The following OXR1 variants were observed in gnomAD, a reference collection of about 807,000 sequenced individuals.
The protein encoded by OXR1 is oxidation resistance protein 1.
In OXR1, 41 loss-of-function variants were observed where a neutral mutation model predicts 104.6. That is an observed-to-expected ratio of 0.39 (90% CI 0.31 to 0.51). OXR1 has a LOEUF of 0.51. Among genes scored for constraint, OXR1 ranks in the 20% least tolerant of loss-of-function variants. OXR1 has a pLI of 0.77. For synonymous variants in OXR1, 348 were observed against 348.4 expected (o/e 1.00, Z 0.01); for missense variants, 955 against 1,031.9 (o/e 0.93, Z 1.02).
rs1322653770 is a variant in OXR1 at position 106,618,694 on chromosome 8, C to A, written c.221-60516C>A. On this transcript the variant is annotated intron_variant, in intron 3 of 16. Transcript: ENST00000517566. ...GTAATGGCAGTGATCAAGTCACATGCTCTCACTTTTGTCACCACTGTATTC... is the reference window on the plus strand; with the variant it reads ...GTAATGGCAGTGATCAAGTCACATGATCTCACTTTTGTCACCACTGTATTC... Among the ~76,000 whole-genome samples the A allele has an allele frequency of 2.0e-5, 3 of 152,192 alleles. No individual in the cohort carries two copies. The East Asian group carries it at 5.8e-4, about 29-fold the overall frequency.
intron 3 of OXR1, among the ~76,000 whole-genome samples, chr8:106,565,867 A>G (rs1365794963): frequency 6.6e-6 from 1 of 152,344 alleles, no homozygotes; most frequent in East Asian, 1.9e-4. Context: ...AAAACAAGCA[A>G]TAGGGAAAGG....
chr8:106,418,700 A>C (rs1464319961), intron 2 of OXR1, among the ~76,000 whole-genome samples: 1 of 152,160 alleles, frequency 6.6e-6, no homozygotes. Context: ...AAAAAATGAG[A>C]CTGCAAAATA....
intron 3 of OXR1, chr8:106,617,897 G>A (rs942887827): frequency 2.3e-5 from 8 of 347,090 alleles, no homozygotes; most frequent in Admixed American, 6.5e-5. Flanking sequence ...AGAGCATGTC[G>A]TCGTCACCGT....
intron 1 of OXR1, among the ~76,000 whole-genome samples, chr8:106,281,817 A>AT (rs1235534541): frequency 6.6e-6 from 1 of 151,058 alleles, no homozygotes; most frequent in East Asian, 1.9e-4. Flanking sequence ...AAAAAAAAAA[A>AT]AAAAAAGACA....
At chr8:106,708,964 C>T (rs1054429712) in intron 9 of OXR1, among the ~76,000 whole-genome samples, 2 of 151,958 alleles carry the variant, frequency 1.3e-5, no homozygotes, top group Non-Finnish European at 2.9e-5. Context: ...ATCCTGAAGA[C>T]CTAAGGGCTG....
chr8:106,712,020 G>A (rs1831745422), intron 10 of OXR1, among the ~76,000 whole-genome samples: 1 of 152,034 alleles, frequency 6.6e-6, no homozygotes, highest in South Asian at 2.1e-4. Flanking sequence ...TCCATTGATA[G>A]ATTAATATGT....
intron 2 of OXR1, among the ~76,000 whole-genome samples, chr8:106,502,103 G>A (rs1421472123): frequency 6.6e-6 from 1 of 152,168 alleles, no homozygotes; most frequent in Non-Finnish European, 1.5e-5. Flanking sequence ...CTGTGCTTTG[G>A]GAAATCAATT....
intron 2 of OXR1, among the ~76,000 whole-genome samples, chr8:106,377,484 C>A (rs190583844): frequency 6.6e-6 from 1 of 152,262 alleles, no homozygotes; most frequent in Admixed American, 6.5e-5. Flanking sequence ...TGGCGACTGA[C>A]CTAACAAAAT....
intron 3 of OXR1, among the ~76,000 whole-genome samples, chr8:106,620,833 A>G (rs1821640126): frequency 6.6e-6 from 1 of 152,210 alleles, no homozygotes; most frequent in African/African-American, 2.4e-5. Flanking sequence ...ACCAGTAAAA[A>G]TAGTGAAAAT....
At chr8:106,507,435 T>C (rs1387878935) in intron 2 of OXR1, among the ~76,000 whole-genome samples, 1 of 152,232 alleles carries the variant, frequency 6.6e-6, no homozygotes, top group Non-Finnish European at 1.5e-5. Flanking sequence ...CCTTGTGCTA[T>C]TCTCTTCCAC....
chr8:106,668,813 T>C (rs951837595), intron 3 of OXR1, among the ~76,000 whole-genome samples: 2 of 152,186 alleles, frequency 1.3e-5, no homozygotes, highest in African/African-American at 4.8e-5. Flanking sequence ...GGGAAGCCCA[T>C]TTCTTCTGTC....
intron 2 of OXR1, among the ~76,000 whole-genome samples, chr8:106,387,364 G>C (rs1271272188): frequency 2.6e-5 from 4 of 152,108 alleles, no homozygotes; most frequent in Non-Finnish European, 5.9e-5. Context: ...CTAAAAGCTG[G>C]TGGGTTTACC....
chr8:106,636,836 G>T (rs187766611), intron 3 of OXR1, among the ~76,000 whole-genome samples: 2 of 152,142 alleles, frequency 1.3e-5, no homozygotes, highest in Non-Finnish European at 2.9e-5. Flanking sequence ...TGTCATTTAG[G>T]TATGCCCATG....
intron 1 of OXR1, among the ~76,000 whole-genome samples, chr8:106,348,549 A>G (rs1271188846): frequency 6.6e-6 from 1 of 152,066 alleles, no homozygotes; most frequent in Non-Finnish European, 1.5e-5. Context: ...TTATTGGGCA[A>G]TCCACATGGG....
chr8:106,397,180 C>A (rs1213541659), intron 2 of OXR1, among the ~76,000 whole-genome samples: 1 of 151,960 alleles, frequency 6.6e-6, no homozygotes, highest in Admixed American at 6.6e-5. Context: ...CACTTTGTTG[C>A]ACCATTTAAG....
At chr8:106,713,731 C>A in intron 10 of OXR1, 92 bp from the exon 11 acceptor site, 1 of 707,698 alleles carries the variant, frequency 1.4e-6, no homozygotes, top group Non-Finnish European at 2.2e-6. Context: ...TATTTTAAGT[C>A]TTCAAGATTT....
At chr8:106,322,758 A>C (rs1814279054) in intron 1 of OXR1, among the ~76,000 whole-genome samples, 1 of 152,198 alleles carries the variant, frequency 6.6e-6, no homozygotes, top group Non-Finnish European at 1.5e-5. Flanking sequence ...ACTGAGAGCG[A>C]AAGATAGAAA....
At position 106,289,778 on chromosome 8, in the gene OXR1, T is replaced by A. The variant is rs551488354; in HGVS notation, c.-139+19411T>A. On this transcript the variant is annotated intron_variant, in intron 1 of 16. Coordinates refer to ENST00000517566, the MANE Select transcript of OXR1 (RefSeq NM_001198533.2). ...CCCACCCAAATCCCATCTTGAATTG[T>A]AGTTCTCATAATCCCCATGTGTCAT... Among the ~76,000 whole-genome samples, 3 of 152,186 alleles carry A rather than the reference T, an allele frequency of 2.0e-5. No individual in the cohort carries two copies. The South Asian group carries it at 6.2e-4, about 31-fold the overall frequency.
intron 3 of OXR1, among the ~76,000 whole-genome samples, chr8:106,556,224 G>A (rs1273034393): frequency 6.6e-6 from 1 of 152,022 alleles, no homozygotes; most frequent in Non-Finnish European, 1.5e-5. Flanking sequence ...CTGGATAGAG[G>A]TGGTGGTTGC....
Sources: gnomAD v4.1 joint callset for allele counts (sites outside exome capture counted in the v4.1 genomes callset) on GRCh38, gnomAD v4.1.1 for gene constraint, MANE v1.5 for transcripts, NCBI Gene and HGNC (gene_info 2026-07-23, HGNC 2026-07-21) for gene names.